The following PAPPA2 variants were observed in gnomAD, a reference collection of about 807,000 sequenced individuals.
PAPPA2 encodes pappalysin-2.
PAPPA2 carries 86 observed loss-of-function variants against 176.4 expected under a neutral mutation model. That is an observed-to-expected ratio of 0.49 (90% CI 0.41 to 0.58). PAPPA2 has a LOEUF of 0.58. Among genes scored for constraint, PAPPA2 ranks in the 20% least tolerant of loss-of-function variants. The pLI is 0.00. For missense variants in PAPPA2, 2,073 were observed against 2,256.9 expected, an observed-to-expected ratio of 0.92 and a Z score of 1.65; for synonymous variants, 809 against 852.2, an observed-to-expected ratio of 0.95 and a Z score of 0.88.
At chr1:176,623,603 C>CTTTT (rs1558478935) in intron 3 of PAPPA2, among the ~76,000 whole-genome samples, 160 of 132,946 alleles carry the variant, frequency 1.2e-3, no homozygotes, top group African/African-American at 3.3e-3. Flanking sequence ...TCCTTCCTTC[C>CTTTT]TTCCTTCCTT....
At chr1:176,636,205 C>T (rs1284876323) in intron 3 of PAPPA2, among the ~76,000 whole-genome samples, 3 of 152,158 alleles carry the variant, frequency 2.0e-5, no homozygotes, top group Non-Finnish European at 4.4e-5. Context: ...TCTGCTGGAA[C>T]TTGCTCAATT....
chr1:176,707,653 T>C (rs573990354), intron 10 of PAPPA2, among the ~76,000 whole-genome samples: 1 of 152,230 alleles, frequency 6.6e-6, no homozygotes, highest in African/African-American at 2.4e-5. Flanking sequence ...TTTTTCCCCT[T>C]TTTTCCAGTT....
At chr1:176,763,301 T>C (rs114060698) in intron 14 of PAPPA2, among the ~76,000 whole-genome samples, 469 of 152,256 alleles carry the variant, frequency 3.1e-3, no homozygotes, top group Admixed American at 5.0e-3. Flanking sequence ...TTGCTAGTCT[T>C]CCATACTAGA....
intron 3 of PAPPA2, among the ~76,000 whole-genome samples, chr1:176,650,884 T>C (rs1026764228): frequency 6.6e-6 from 1 of 151,708 alleles, no homozygotes; most frequent in Non-Finnish European, 1.5e-5. Context: ...GCTTTTGTGT[T>C]GTGGCCACAT....
chr1:176,647,410 C>A (rs1657459697), intron 3 of PAPPA2, among the ~76,000 whole-genome samples: 1 of 151,398 alleles, frequency 6.6e-6, no homozygotes, highest in African/African-American at 2.4e-5. Context: ...GAAGCTTTTT[C>A]ACTTGATATG....
At chr1:176,683,879 G>A (rs1026306978) in intron 4 of PAPPA2, among the ~76,000 whole-genome samples, 4 of 152,076 alleles carry the variant, frequency 2.6e-5, no homozygotes, top group East Asian at 1.9e-4. Context: ...TTCCCAGCTC[G>A]AAAGTCAAGG....
intron 12 of PAPPA2, among the ~76,000 whole-genome samples, chr1:176,726,233 C>G (rs980951705): frequency 2.6e-5 from 4 of 152,210 alleles, no homozygotes; most frequent in Non-Finnish European, 4.4e-5. Context: ...TAGAACCTAA[C>G]CCTTTCTAAA....
At chr1:176,519,779 T>G (rs142515746) in intron 1 of PAPPA2, among the ~76,000 whole-genome samples, 1 of 152,260 alleles carries the variant, frequency 6.6e-6, no homozygotes, top group African/African-American at 2.4e-5. Context: ...TGGTAGTATT[T>G]TTTCCATTTT....
chr1:176,756,822 C>G (rs1249844019), intron 14 of PAPPA2, among the ~76,000 whole-genome samples: 1 of 152,156 alleles, frequency 6.6e-6, no homozygotes, highest in Non-Finnish European at 1.5e-5. Flanking sequence ...CAACTCATCA[C>G]TTACATTAGG....
intron 3 of PAPPA2, among the ~76,000 whole-genome samples, chr1:176,656,514 G>A (rs1207926621): frequency 6.6e-6 from 1 of 151,862 alleles, no homozygotes; most frequent in Non-Finnish European, 1.5e-5. Flanking sequence ...AATGGGCAAT[G>A]TAATTCCACA....
intron 1 of PAPPA2, among the ~76,000 whole-genome samples, chr1:176,546,571 G>T (rs1650647157): frequency 1.3e-5 from 2 of 152,150 alleles, no homozygotes; most frequent in South Asian, 4.1e-4. Flanking sequence ...ATTTATATGT[G>T]AATTTACACA....
intron 3 of PAPPA2, among the ~76,000 whole-genome samples, chr1:176,628,228 G>A (rs998798641): frequency 6.6e-6 from 1 of 152,136 alleles, no homozygotes; most frequent in African/African-American, 2.4e-5. Flanking sequence ...GGAGGGTTCA[G>A]AATGTATGCA....
Position 176,557,127 on chromosome 1 carries a change from C to T in PAPPA2, c.805C>T (p.Arg269Trp), listed in dbSNP as rs746410678. 9.3e-6 allele frequency: 15 copies of T among 1,613,594 alleles called. No individual in the cohort carries two copies. Among genetic ancestry groups the T allele is most frequent in the African/African-American group, 8.0e-5 (6 of 74,768 alleles). The change falls in exon 2 of 23, where the codon CGG (arginine) becomes TGG (tryptophan). Residue 269 changes from arginine (R) to tryptophan (W), a missense_variant. Around this residue, in one of 4 missense-constraint regions of PAPPA2, gnomAD observed 1,196 missense variants for 1,330.4 expected, o/e 0.90. Coordinates refer to ENST00000367662, the MANE Select transcript of PAPPA2 (RefSeq NM_020318.3). ...GCCCATCTTATACTTCTCTGGGAGG[C>T]GGGAGCGGCTGCTGCTGCGTCCAGA... ...GLPILYFSGR[R>W]ERLLLRPEVL... is the part of the protein sequence containing the mutation.
rs537328739 is a variant in PAPPA2 at position 176,561,155 on chromosome 1, A to T, written c.919+3914A>T. ...GGCTGTGGTCTTCAGCGATCCATTGAGCTTTTCTATGCCTTCATTTCCTCA... is the reference window on the plus strand; with the variant it reads ...GGCTGTGGTCTTCAGCGATCCATTGTGCTTTTCTATGCCTTCATTTCCTCA... On this transcript the variant is annotated intron_variant, in intron 2 of 22. Transcript: ENST00000367662. Among the ~76,000 whole-genome samples the T allele has an allele frequency of 1.2e-4, 19 of 152,346 alleles. No individual in the cohort carries two copies. The South Asian group carries it at 3.7e-3, about 30-fold the overall frequency.
intron 15 of PAPPA2, among the ~76,000 whole-genome samples, chr1:176,766,823 G>A (rs1014316743): frequency 9.2e-5 from 14 of 151,722 alleles, no homozygotes; most frequent in Admixed American, 1.3e-4. Context: ...GATGGTGCTC[G>A]AGGAAAAAAA....
At chr1:176,788,062 GA>G (rs1200828026) in intron 17 of PAPPA2, among the ~76,000 whole-genome samples, 1 of 146,822 alleles carries the variant, frequency 6.8e-6, no homozygotes, top group Non-Finnish European at 1.5e-5. Flanking sequence ...TTCCATCTCA[GA>G]AAAAAAAAGA....
At chr1:176,486,399 A>G (rs1024767307) in intron 1 of PAPPA2, among the ~76,000 whole-genome samples, 1 of 152,186 alleles carries the variant, frequency 6.6e-6, no homozygotes, top group Non-Finnish European at 1.5e-5. Flanking sequence ...ATAGCCCTTG[A>G]CCTCAAGGAG....
intron 17 of PAPPA2, among the ~76,000 whole-genome samples, chr1:176,779,132 A>T (rs1178076527): frequency 1.3e-5 from 2 of 152,190 alleles, no homozygotes; most frequent in Non-Finnish European, 2.9e-5. Flanking sequence ...TCTGTTTTAT[A>T]TTGACTGCTA....
intron 12 of PAPPA2, among the ~76,000 whole-genome samples, chr1:176,734,407 C>A (rs937270046): frequency 2.0e-5 from 3 of 151,966 alleles, no homozygotes; most frequent in Admixed American, 1.3e-4. Flanking sequence ...CACACACACA[C>A]ACACACACAC....
Sources: gnomAD v4.1 joint callset for allele counts (sites outside exome capture counted in the v4.1 genomes callset) on GRCh38, gnomAD v4.1.1 for gene constraint, gnomAD v4.1.1 regional missense constraint, MANE v1.5 for transcripts, NCBI Gene and HGNC (gene_info 2026-07-23, HGNC 2026-07-21) for gene names.